The following OLFML2B variants were observed in gnomAD, a reference collection of about 807,000 sequenced individuals.
The protein encoded by OLFML2B is olfactomedin-like protein 2B.
OLFML2B carries 57 observed loss-of-function variants against 74.9 expected under a neutral mutation model. The ratio of observed to expected loss-of-function variants is 0.76; its 90% CI spans 0.61 to 0.95. OLFML2B has a LOEUF of 0.95. OLFML2B is among the 40% of genes least tolerant of loss of function. The pLI, the probability that OLFML2B is intolerant of heterozygous loss-of-function variation, is 0.00. For missense variants in OLFML2B, 986 were observed against 970.6 expected (o/e 1.02, Z -0.21); for synonymous variants, 388 against 405.8 (o/e 0.96, Z 0.53).
intron 6 of OLFML2B, among the ~76,000 whole-genome samples, chr1:161,996,895 C>G (rs1027977730): frequency 1.3e-5 from 2 of 152,184 alleles, no homozygotes; most frequent in Non-Finnish European, 2.9e-5. Flanking sequence ...CAGTGGCTCA[C>G]GCCTGTAATC....
At chr1:162,010,308 G>T (rs1016534870) in intron 3 of OLFML2B, among the ~76,000 whole-genome samples, 1 of 152,218 alleles carries the variant, frequency 6.6e-6, no homozygotes. Flanking sequence ...GGCACTGGAG[G>T]GTGCCTGATG....
chr1:161,998,568 C>T (rs1346515838), intron 5 of OLFML2B, among the ~76,000 whole-genome samples: 2 of 152,252 alleles, frequency 1.3e-5, no homozygotes, highest in South Asian at 2.1e-4. Context: ...AGACTGCAGC[C>T]ATGCTCCCCC....
Position 161,984,987 on chromosome 1 carries a change from G to A in OLFML2B, c.1475-7C>T. 6.2e-7 allele frequency: 1 copy of A among 1,601,872 alleles called. No individual in the cohort carries two copies. The highest frequency in any genetic ancestry group is 8.5e-7 in the Non-Finnish European group (1 of 1,175,216). On this transcript the variant is annotated splice_polypyrimidine_tract_variant and splice_region_variant and intron_variant, in intron 6 of 7. Coordinates refer to ENST00000294794, the MANE Select transcript of OLFML2B (RefSeq NM_015441.3). ...AGAGTGTCCTTGCACCTTCCTGGTG[G>A]AGAAGAGGTGGATGGAGGTTTTGGG...
chr1:161,984,048 T>C lies in OLFML2B; in HGVS notation c.1880A>G (p.Asn627Ser), dbSNP rs1176946651. ...HSDVDFAVDE[N>S]GLWLIYPALD... is the part of the protein sequence containing the mutation. ...GGCCGGGTAGATGAGCCATAGGCCA[T>C]TCTCGTCCACAGCAAAGTCCACGTC... Residue 627 changes from asparagine to serine, a missense_variant, in exon 8 of 8, where the codon AAT becomes AGT. Physicochemically the swap from Asn to Ser is conservative, Grantham distance 46. Coordinates refer to ENST00000294794, the MANE Select transcript of OLFML2B (RefSeq NM_015441.3). The C allele has an allele frequency of 2.5e-6, 4 of 1,614,204 alleles. No individual in the cohort carries two copies. The highest frequency in any genetic ancestry group is 2.2e-5 in the East Asian group (1 of 44,884).
Position 162,018,215 on chromosome 1 carries a change from G to A in OLFML2B, c.439-708C>T, listed in dbSNP as rs79736157. Among the ~76,000 whole-genome samples, 1,592 of 152,140 alleles carry A rather than the reference G, an allele frequency of 0.01. 71 individuals are homozygous for A. The East Asian group carries it at 0.15, about 14-fold the overall frequency. The stretch of plus-strand genomic sequence containing the variant: ...TAGTAGCTGGGTGACAAAATAATCT[G>A]TACAACAAACTCCCATGACGTGAGT... On this transcript the variant is annotated intron_variant, in intron 2 of 7. Coordinates refer to ENST00000294794, the MANE Select transcript of OLFML2B (RefSeq NM_015441.3).
chr1:162,018,514 G>A (rs973614482), intron 2 of OLFML2B, among the ~76,000 whole-genome samples: 4 of 152,186 alleles, frequency 2.6e-5, no homozygotes, highest in Admixed American at 2.6e-4. Context: ...AACTGACCCT[G>A]GGCTAAAAGA....
intron 2 of OLFML2B, 63 bp downstream of exon 2, chr1:162,019,856 A>C: frequency 6.3e-7 from 1 of 1,575,960 alleles, no homozygotes; most frequent in Non-Finnish European, 8.6e-7. Context: ...CCATGGCCTT[A>C]CCAGACTTGT....
chr1:162,017,536 G>T, intron 2 of OLFML2B, 29 bp from the exon 3 acceptor site: 1 of 1,539,566 alleles, frequency 6.5e-7, no homozygotes, highest in South Asian at 1.2e-5. Context: ...GGTTAGTCCA[G>T]GGCTGGGGCA....
intron 4 of OLFML2B, among the ~76,000 whole-genome samples, chr1:162,002,614 C>T (rs139611783): frequency 7.4e-4 from 113 of 152,336 alleles, no homozygotes; most frequent in African/African-American, 2.1e-3. Flanking sequence ...AAGCGTGTGC[C>T]TGTTTTCTCA....
intron 3 of OLFML2B, among the ~76,000 whole-genome samples, chr1:162,014,677 A>G (rs1030228002): frequency 1.3e-5 from 2 of 152,220 alleles, no homozygotes; most frequent in Non-Finnish European, 2.9e-5. Context: ...GTCAGCTGGC[A>G]TGAGCCTTGA....
intron 6 of OLFML2B, among the ~76,000 whole-genome samples, chr1:161,992,168 T>TG (rs1689759375): frequency 6.6e-6 from 1 of 152,256 alleles, no homozygotes; most frequent in East Asian, 1.9e-4. Flanking sequence ...CTATTTCACT[T>TG]GCATTTTTAC....
At chr1:161,995,318 A>G (rs553971398) in intron 6 of OLFML2B, among the ~76,000 whole-genome samples, 43 of 152,330 alleles carry the variant, frequency 2.8e-4, no homozygotes, top group African/African-American at 9.1e-4. Context: ...TGCAGTCGAC[A>G]TAAGAGGTGA....
chr1:161,985,896 C>T (rs1220226749), intron 6 of OLFML2B, among the ~76,000 whole-genome samples: 2 of 152,134 alleles, frequency 1.3e-5, no homozygotes, highest in African/African-American at 2.4e-5. Context: ...ATCCGGTGCC[C>T]AGGAGAGGCC....
chr1:161,987,373 C>T (rs1286899336), intron 6 of OLFML2B, among the ~76,000 whole-genome samples: 3 of 152,150 alleles, frequency 2.0e-5, no homozygotes, highest in African/African-American at 7.2e-5. Context: ...GGAGACTATA[C>T]TGGACTATCT....
At chr1:162,019,108 C>T (rs1006076131) in intron 2 of OLFML2B, among the ~76,000 whole-genome samples, 4 of 152,238 alleles carry the variant, frequency 2.6e-5, no homozygotes, top group Non-Finnish European at 4.4e-5. Context: ...TTACTAGTCA[C>T]TGAGTGAGTG....
intron 3 of OLFML2B, among the ~76,000 whole-genome samples, chr1:162,015,067 G>C (rs187275328): frequency 6.6e-6 from 1 of 152,220 alleles, no homozygotes; most frequent in East Asian, 1.9e-4. Context: ...CATTACCCAG[G>C]AACAAATGGG....
At chr1:162,006,192 T>C (rs1690224287) in intron 4 of OLFML2B, 105 bp downstream of exon 4, 20 of 1,087,736 alleles carry the variant, frequency 1.8e-5, no homozygotes, top group Non-Finnish European at 2.6e-5. Context: ...AGCGAGCTCA[T>C]CTCTGTGAAA....
chr1:161,994,209 T>TA (rs1689822873), intron 6 of OLFML2B, among the ~76,000 whole-genome samples: 1 of 152,216 alleles, frequency 6.6e-6, no homozygotes, highest in Non-Finnish European at 1.5e-5. Context: ...TCTAGTGACT[T>TA]AGAGTCTGGG....
chr1:162,016,226 A>G (rs1467564001), intron 3 of OLFML2B, among the ~76,000 whole-genome samples: 1 of 152,212 alleles, frequency 6.6e-6, no homozygotes, highest in African/African-American at 2.4e-5. Context: ...AAGCATTTTC[A>G]TACTGATTAG....
Sources: allele counts gnomAD v4.1 joint callset (sites outside exome capture counted in the v4.1 genomes callset), GRCh38; gene constraint gnomAD v4.1.1; transcripts MANE v1.5; gene names NCBI Gene and HGNC (gene_info 2026-07-23, HGNC 2026-07-21).